The following WDHD1 variants were observed in gnomAD, a reference collection of about 807,000 sequenced individuals.
WDHD1 encodes the protein WD repeat and HMG-box DNA-binding protein 1.
In WDHD1, 111 loss-of-function variants were observed where a neutral mutation model predicts 135.4. The observed-to-expected ratio is 0.82, with a 90% CI of 0.70 to 0.96. WDHD1 has a LOEUF of 0.96. WDHD1 is among the 40% of genes least tolerant of loss of function. The probability of loss-of-function intolerance (pLI) is 0.00; values close to 1 mark genes in which losing one functional copy is unlikely to be tolerated. For missense variants in WDHD1, 1,351 were observed against 1,336.3 expected (o/e 1.01, Z -0.17); for synonymous variants, 434 against 439.0 (o/e 0.99, Z 0.14).
chr14:54,949,000 T>C (rs143017424), intron 24 of WDHD1, among the ~76,000 whole-genome samples: 4,381 of 152,238 alleles, frequency 0.029, 199 homozygotes, highest in African/African-American at 0.1. Context: ...ACCCCATGTG[T>C]ACGTCACCAT....
chr14:54,943,348 A>G (rs1444121510), intron 25 of WDHD1, among the ~76,000 whole-genome samples: 1 of 152,190 alleles, frequency 6.6e-6, no homozygotes, highest in Non-Finnish European at 1.5e-5. Context: ...TTCTGCTTGC[A>G]AGAACCCTAA....
chr14:55,026,212 G>C (rs896457895), intron 2 of WDHD1, among the ~76,000 whole-genome samples: 1 of 152,094 alleles, frequency 6.6e-6, no homozygotes, highest in Non-Finnish European at 1.5e-5. Flanking sequence ...CAATCGAGCA[G>C]TAGTGCGTAA....
rs141507899 is a variant in WDHD1 at position 54,999,482 on chromosome 14, G to A, written c.942+1021C>T. ...GTGCTACCAAATTCTGAATCTCTGG[G>A]GATTCAGTGAGGCAAACTGAGTAGC... On this transcript the variant is annotated intron_variant, in intron 10 of 25. Transcript: ENST00000360586. 4.7e-3 allele frequency among the ~76,000 whole-genome samples: 715 copies of A among 152,260 alleles called. 9 individuals are homozygous for A. Among genetic ancestry groups the A allele is most frequent in the Non-Finnish European group, 7.1e-3 (480 of 68,020 alleles).
intron 16 of WDHD1, among the ~76,000 whole-genome samples, chr14:54,969,343 GAAA>G (rs141857558): frequency 5.9e-5 from 7 of 119,544 alleles, no homozygotes; most frequent in Admixed American, 2.7e-4. Context: ...TCCGTTTCAA[GAAA>G]AAAAAAAAAA....
At chr14:55,017,579 G>A (rs902548049) in intron 2 of WDHD1, among the ~76,000 whole-genome samples, 2 of 152,114 alleles carry the variant, frequency 1.3e-5, no homozygotes, top group Non-Finnish European at 2.9e-5. Context: ...TTGACCTCAA[G>A]TGATACACCT....
chr14:54,991,022 A>G (rs2041776854), intron 12 of WDHD1, among the ~76,000 whole-genome samples, 191 bp downstream of exon 12: 3 of 152,248 alleles, frequency 2.0e-5, no homozygotes, highest in Admixed American at 6.5e-5. Context: ...ATCATTTTCA[A>G]TAAGGTTGAA....
intron 13 of WDHD1, 107 bp downstream of exon 13, chr14:54,988,921 A>T: frequency 9.8e-7 from 1 of 1,022,844 alleles, no homozygotes; most frequent in Non-Finnish European, 1.4e-6. Context: ...CTGAAATTTC[A>T]TATTACAAAA....
intron 12 of WDHD1, among the ~76,000 whole-genome samples, chr14:54,990,411 C>T (rs1042474935): frequency 1.3e-5 from 2 of 152,094 alleles, no homozygotes; most frequent in African/African-American, 2.4e-5. Context: ...TCCTGTCTAA[C>T]ATGGTGAAAT....
In WDHD1 at chr14:54,985,625, T is replaced by C. The variant is rs180704148; in HGVS notation, c.1769-765A>G. 2.9e-3 allele frequency among the ~76,000 whole-genome samples: 440 copies of C among 152,320 alleles called. 2 individuals carry two copies. The highest frequency in any genetic ancestry group is 0.01 in the Middle Eastern group (3 of 294). On this transcript the variant is annotated intron_variant, in intron 14 of 25. Transcript: ENST00000360586. ...TTTGAGAAGAGGAGCATGATCTATA[T>C]TTTTAAAAGATCACCTAGGCTGCTC...
intron 1 of WDHD1, 53 bp from the exon 2 acceptor site, chr14:55,026,856 G>A: frequency 6.4e-7 from 1 of 1,573,530 alleles, no homozygotes; most frequent in East Asian, 2.2e-5. Flanking sequence ...GAAAAGCAGC[G>A]AGGCTAGGGA....
intron 2 of WDHD1, among the ~76,000 whole-genome samples, chr14:55,019,650 A>G (rs550537603): frequency 6.8e-4 from 103 of 152,200 alleles, no homozygotes; most frequent in African/African-American, 2.4e-3. Flanking sequence ...TGGTGGATCA[A>G]TTGAGGTCAG....
At position 54,999,043 on chromosome 14, in the gene WDHD1, C is replaced by T. The variant is rs147894278; in HGVS notation, c.942+1460G>A. On this transcript the variant is annotated intron_variant, in intron 10 of 25. Transcript: ENST00000360586. The stretch of plus-strand genomic sequence containing the variant: ...CTTTCTTTTACAACTTTTTGTCTTC[C>T]CTGGAGTTAAGAAACTCTCTCTTTA... Among the ~76,000 whole-genome samples, 53 of 152,138 alleles carry T rather than the reference C, an allele frequency of 3.5e-4. No homozygotes were observed. In the East Asian group the frequency reaches 9.3e-3, roughly 27 times the overall value.
Position 54,939,530 on chromosome 14 carries a change from T to C in WDHD1, c.*1960A>G, listed in dbSNP as rs2040809264. ...GGCAATATTATTGATATGATGATGA[T>C]TAATAATTAATTTATTTCCATTTTC... On this transcript the variant is annotated 3_prime_UTR_variant, in exon 26 of 26. Transcript: ENST00000360586. 2 of 152,004 alleles carry C rather than the reference T, an allele frequency of 1.3e-5. No individual in the cohort carries two copies. The highest frequency in any genetic ancestry group is 2.9e-5 in the Non-Finnish European group (2 of 68,012). 9.4% of individuals were successfully genotyped at this position (152,004 alleles called of 1,614,324 possible). A position where few individuals can be genotyped will look rare whatever the true frequency, so the allele number is the denominator to read the frequency against.
intron 24 of WDHD1, among the ~76,000 whole-genome samples, chr14:54,947,988 G>A (rs1232009161): frequency 6.6e-6 from 1 of 151,758 alleles, no homozygotes; most frequent in East Asian, 2.0e-4. Context: ...GGCCAAGGTG[G>A]GCAGATCACC....
At chr14:54,943,420 G>A (rs933368880) in intron 25 of WDHD1, among the ~76,000 whole-genome samples, 3 of 151,924 alleles carry the variant, frequency 2.0e-5, no homozygotes, top group Non-Finnish European at 4.4e-5. Flanking sequence ...CTAGAGACCC[G>A]GTCTCACTCT....
chr14:54,967,342 C>A lies in WDHD1; in HGVS notation c.2116G>T (p.Val706Phe). The change falls in exon 17 of 26, where the codon GTT becomes TTT. Residue 706 changes from valine (V) to phenylalanine (F), a missense_variant. Transcript: ENST00000360586. Reference protein sequence around the residue: ...RFPPTLPRPAVAILSFKLPYC... With the variant: ...RFPPTLPRPAFAILSFKLPYC... ...GGAAGCTTAAAGGATAATATAGCAA[C>A]AGCAGGGCGTGGAAGGGTTGGGGGA... 6.2e-7 allele frequency: 1 copy of A among 1,612,580 alleles called. No individual in the cohort carries two copies. The highest frequency in any genetic ancestry group is 8.5e-7 in the Non-Finnish European group (1 of 1,179,064).
intron 24 of WDHD1, among the ~76,000 whole-genome samples, chr14:54,950,049 G>T (rs994878240): frequency 6.6e-6 from 1 of 152,200 alleles, no homozygotes; most frequent in Admixed American, 6.5e-5. Flanking sequence ...ATGCCAAATT[G>T]TAAAGACCAT....
intron 24 of WDHD1, among the ~76,000 whole-genome samples, chr14:54,953,992 G>A (rs2041108578): frequency 6.6e-6 from 1 of 151,962 alleles, no homozygotes; most frequent in African/African-American, 2.4e-5. Flanking sequence ...GAAGTAGGGA[G>A]GGATAGCATT....
chr14:54,963,708 G>A (rs563862195), intron 18 of WDHD1, among the ~76,000 whole-genome samples: 1 of 151,364 alleles, frequency 6.6e-6, no homozygotes, highest in East Asian at 1.9e-4. Flanking sequence ...GCTGAGGCAG[G>A]AGAATCGCTT....
Sources: gnomAD v4.1 joint callset for allele counts (sites outside exome capture counted in the v4.1 genomes callset) on GRCh38, gnomAD v4.1.1 for gene constraint, MANE v1.5 for transcripts, NCBI Gene and HGNC (gene_info 2026-07-23, HGNC 2026-07-21) for gene names.